ECE1: variants seen among roughly 807,000 people sequenced by gnomAD.
The protein encoded by ECE1 is endothelin-converting enzyme 1.
A neutral mutation model predicts 98.6 loss-of-function variants in ECE1; 35 were observed. The ratio of observed to expected loss-of-function variants is 0.35; its 90% CI spans 0.27 to 0.47. ECE1 has a LOEUF of 0.47. Among genes scored for constraint, ECE1 ranks in the 20% least tolerant of loss-of-function variants. ECE1 has a pLI of 1.00. For missense variants in ECE1, 814 were observed against 1,025.3 expected (o/e 0.79, Z 2.81); for synonymous variants, 394 against 407.1 (o/e 0.97, Z 0.39).
intron 3 of ECE1, among the ~76,000 whole-genome samples, chr1:21,275,007 G>A (rs1050287181): frequency 6.6e-6 from 1 of 152,200 alleles, no homozygotes; most frequent in African/African-American, 2.4e-5. Context: ...TTTCCATGTA[G>A]GTTGAAAGAG....
chr1:21,309,176 C>T (rs1362895031), intron 1 of ECE1, among the ~76,000 whole-genome samples: 1 of 152,216 alleles, frequency 6.6e-6, no homozygotes, highest in Non-Finnish European at 1.5e-5. Flanking sequence ...ACAGGCACTG[C>T]AGTCTTGTCC....
chr1:21,238,399 A>G, intron 10 of ECE1, 155 bp from the exon 11 acceptor site: 1 of 689,604 alleles, frequency 1.5e-6, no homozygotes. Flanking sequence ...TCACCGGACC[A>G]AGAGGCCACT....
At chr1:21,281,062 C>A (rs141737944) in intron 2 of ECE1, among the ~76,000 whole-genome samples, 1,677 of 152,210 alleles carry the variant, frequency 0.011, 29 homozygotes, top group African/African-American at 0.028. Flanking sequence ...TGGTGACAGG[C>A]GCCTGTAATC....
Position 21,225,561 on chromosome 1 carries a change from G to A in ECE1, c.1850-121C>T. The A allele has an allele frequency of 1.7e-6, 2 of 1,147,128 alleles. No homozygotes were observed. Among genetic ancestry groups the A allele is most frequent in the Non-Finnish European group, 2.5e-6 (2 of 805,874 alleles). The allele number at this position is 1,147,128 out of a possible 1,614,324, so 71.1% of individuals were successfully genotyped here. A position where few individuals can be genotyped will look rare whatever the true frequency, so the allele number is the denominator to read the frequency against. Reference sequence around the variant, plus strand: ...CCACCCCCGTCCTCCAGCCACCATGGGGAGACGAGGTCCCTGTGAGTGCCG... The same window carrying A: ...CCACCCCCGTCCTCCAGCCACCATGAGGAGACGAGGTCCCTGTGAGTGCCG... On this transcript the variant is annotated intron_variant, in intron 16 of 18. Coordinates refer to ENST00000374893, the MANE Select transcript of ECE1 (RefSeq NM_001397.3). This position sits in a 1 kb window ranked among gnomAD's most constrained non-coding sequence, Gnocchi z 5.3.
rs1032249161 is a variant in ECE1 at position 21,258,040 on chromosome 1, A to G, written c.763-450T>C. On this transcript the variant is annotated intron_variant, in intron 6 of 18. Transcript: ENST00000374893. This position sits in a 1 kb window ranked among gnomAD's most constrained non-coding sequence, Gnocchi z 4.2. ...GGGATTCAAGAAGACAGTGCTGGTC[A>G]AGTGCCTGCCAAGCAGGAGGGGAGG... is the stretch of plus-strand genomic sequence containing the variant. Among the ~76,000 whole-genome samples the G allele has an allele frequency of 3.3e-5, 5 of 152,206 alleles. No homozygotes were observed. Among genetic ancestry groups the G allele is most frequent in the African/African-American group, 1.2e-4 (5 of 41,458 alleles).
chr1:21,266,819 C>A (rs2098234508), intron 4 of ECE1: 1 of 152,220 alleles, frequency 6.6e-6, no homozygotes, highest in African/African-American at 2.4e-5. Flanking sequence ...GAGCCTAAGC[C>A]TTTTCTGCTT....
At chr1:21,229,648 C>A (rs1260663285) in intron 14 of ECE1, among the ~76,000 whole-genome samples, 1 of 152,110 alleles carries the variant, frequency 6.6e-6, no homozygotes, top group East Asian at 1.9e-4. Flanking sequence ...AAGTTTGACA[C>A]CTTACCAATA....
At chr1:21,317,930 C>A (rs1638867365) in intron 1 of ECE1, among the ~76,000 whole-genome samples, 1 of 152,170 alleles carries the variant, frequency 6.6e-6, no homozygotes, top group Non-Finnish European at 1.5e-5. Context: ...GGGGTGTGAC[C>A]CCAATGTTCT....
At chr1:21,326,123 C>T (rs745795036) in intron 1 of ECE1, among the ~76,000 whole-genome samples, 54 of 152,250 alleles carry the variant, frequency 3.5e-4, no homozygotes, top group Admixed American at 1.5e-3. Flanking sequence ...TCTCAGCCCC[C>T]ATCCTTCTGC....
At chr1:21,246,146 A>G (rs1304937591) in intron 9 of ECE1, among the ~76,000 whole-genome samples, 1 of 152,160 alleles carries the variant, frequency 6.6e-6, no homozygotes. Context: ...GAAAAAAATA[A>G]GTTAAATACG....
intron 1 of ECE1, among the ~76,000 whole-genome samples, chr1:21,335,871 T>C (rs1639297195): frequency 1.3e-5 from 2 of 152,130 alleles, no homozygotes; most frequent in Non-Finnish European, 2.9e-5. Context: ...GTGAGGACTA[T>C]GGAGGGGAAG....
At chr1:21,334,566 G>A (rs1639271747) in intron 1 of ECE1, among the ~76,000 whole-genome samples, 1 of 152,206 alleles carries the variant, frequency 6.6e-6, no homozygotes, top group Admixed American at 6.5e-5. Flanking sequence ...AGCGAGGGAG[G>A]CAGGCTCCAG....
intron 2 of ECE1, 77 bp downstream of exon 2, chr1:21,289,993 C>CGGGGGGGGGGGGGGGGGGGGGGGGGGG: frequency 3.3e-6 from 3 of 897,834 alleles, no homozygotes; most frequent in African/African-American, 3.7e-5. Context: ...TAGGTAGGGG[C>CGGGGGGGGGGGGGGGGGGGGGGGGGGG]GGGGGGCGCG....
chr1:21,291,975 T>C (rs1349716343), upstream of ECE1, among the ~76,000 whole-genome samples: 1 of 148,384 alleles, frequency 6.7e-6, no homozygotes, highest in African/African-American at 2.5e-5. Context: ...AGAAAATATA[T>C]ATATATATAT....
At chr1:21,290,967 G>A (rs150889301), upstream of ECE1, among the ~76,000 whole-genome samples, 357 of 152,314 alleles carry the variant, frequency 2.3e-3, 2 homozygotes, top group African/African-American at 8.2e-3. The surrounding 1 kb of genome is among the most constrained non-coding windows in gnomAD (Gnocchi z 7.3). Flanking sequence ...AAGGAGCTGT[G>A]TGTGTGCATT....
chr1:21,312,511 G>T (rs1638751152), intron 1 of ECE1, among the ~76,000 whole-genome samples: 1 of 152,176 alleles, frequency 6.6e-6, no homozygotes, highest in Non-Finnish European at 1.5e-5. Flanking sequence ...AGCCACTCAG[G>T]AGGCTGAGGC....
intron 17 of ECE1, among the ~76,000 whole-genome samples, chr1:21,224,738 G>A (rs969659910): frequency 6.6e-6 from 1 of 152,156 alleles, no homozygotes; most frequent in Non-Finnish European, 1.5e-5. Flanking sequence ...GGGTCAGCCC[G>A]TGTCTAAATC....
In ECE1 at chr1:21,238,198, T is replaced by A. The variant is rs1416472899; in HGVS notation, c.1325A>T (p.Asn442Ile). 6.2e-7 allele frequency: 1 copy of A among 1,614,122 alleles called. No homozygotes were observed. The highest frequency in any genetic ancestry group is 8.5e-7 in the Non-Finnish European group (1 of 1,180,048). ...WKFCVSDTEN[N>I]LGFALGPMFV... ...CATGGGGCCCAACGCAAAGCCCAGG[T>A]TGTTTTCTGTGTCACTCACGCAAAA... Residue 442 changes from asparagine to isoleucine, a missense_variant, in exon 11 of 19, where the codon AAC becomes ATC. Asn to Ile is a moderately radical substitution (Grantham distance 149). Transcript: ENST00000374893.
At chr1:21,281,988 T>C (rs1263893633) in intron 2 of ECE1, among the ~76,000 whole-genome samples, 1 of 152,068 alleles carries the variant, frequency 6.6e-6, no homozygotes, top group Non-Finnish European at 1.5e-5. Flanking sequence ...GAGACCTTGG[T>C]TTAAGAGGTA....
Sources: allele counts gnomAD v4.1 joint callset (sites outside exome capture counted in the v4.1 genomes callset), GRCh38; gene constraint gnomAD v4.1.1; non-coding constraint Gnocchi (gnomAD v3.1); transcripts MANE v1.5; gene names NCBI Gene and HGNC (gene_info 2026-07-23, HGNC 2026-07-21).